The following MRPL40 variants were observed in gnomAD, a reference collection of about 807,000 sequenced individuals.
The protein encoded by MRPL40 is large ribosomal subunit protein mL40.
In MRPL40, 18 loss-of-function variants were observed where a neutral mutation model predicts 24.5. The ratio of observed to expected loss-of-function variants is 0.73; its 90% CI spans 0.51 to 1.09. MRPL40 has a LOEUF of 1.09. Among genes scored for constraint, MRPL40 ranks in the 50% least tolerant of loss-of-function variants. MRPL40 has a pLI of 0.00. For synonymous variants in MRPL40, 108 were observed against 94.6 expected (o/e 1.14, Z -0.82); for missense variants, 256 against 243.8 (o/e 1.05, Z -0.33).
chr22:19,433,590 G>T (rs1184267130), intron 2 of MRPL40, among the ~76,000 whole-genome samples: 1 of 152,162 alleles, frequency 6.6e-6, no homozygotes. Context: ...GGATTCTTGT[G>T]TGTTTTAAAG....
At chr22:19,434,942 AT>A in intron 3 of MRPL40, 48 bp downstream of exon 3, 1 of 1,477,882 alleles carries the variant, frequency 6.8e-7, no homozygotes, top group Non-Finnish European at 9.1e-7. Context: ...AAGGAGTAAT[AT>A]CAACTTCAGG....
Position 19,435,880 on chromosome 22 carries a change from C to T in MRPL40, c.539C>T (p.Pro180Leu). The T allele has an allele frequency of 6.2e-7, 1 of 1,614,170 alleles. No homozygotes were observed. Among genetic ancestry groups the T allele is most frequent in the Non-Finnish European group, 8.5e-7 (1 of 1,180,020 alleles). ...GAGAAGGAAGGGCCACATTACACAC[C>T]ACCGATCCCTAACTACCAACCCCCT... ...PFEKEGPHYT[P>L]PIPNYQPPEG... is the part of the protein sequence containing the mutation. The change falls in exon 4 of 4, where the codon CCA becomes CTA. Residue 180 changes from proline to leucine, a missense_variant. By Grantham distance (98) the Pro-to-Leu change is moderately conservative. Coordinates refer to ENST00000333130, the MANE Select transcript of MRPL40 (RefSeq NM_003776.4).
Position 19,432,560 on chromosome 22 carries a change from G to T in MRPL40, c.6G>T (p.Thr2=). ...CGGAAGCGGCGAGGGTAGCCATGAC[G>T]GCCTCCGTGCTGCGAAGTATCTCGC... is the stretch of plus-strand genomic sequence containing the variant. M[T]ASVLRSISLA... is the part of the protein sequence containing the mutation. The change falls in exon 1 of 4, where the codon ACG becomes ACT. Residue 2 remains threonine, a synonymous_variant. Transcript: ENST00000333130. 9 of 1,549,878 alleles carry T rather than the reference G, an allele frequency of 5.8e-6. No individual in the cohort carries two copies. Among genetic ancestry groups the T allele is most frequent in the Non-Finnish European group, 7.8e-6 (9 of 1,148,256 alleles).
At chr22:19,434,068 C>G (rs2089569859) in intron 2 of MRPL40, among the ~76,000 whole-genome samples, 1 of 151,098 alleles carries the variant, frequency 6.6e-6, no homozygotes, top group Non-Finnish European at 1.5e-5. Flanking sequence ...CGCACCCAGT[C>G]CACAAATCAA....
intron 2 of MRPL40, among the ~76,000 whole-genome samples, chr22:19,434,317 G>A (rs2089572451): frequency 6.7e-6 from 1 of 148,600 alleles, no homozygotes; most frequent in South Asian, 2.2e-4. Flanking sequence ...CCGCCTCCCA[G>A]GCTCAAGTGA....
In MRPL40 at chr22:19,434,859, T is replaced by G; in HGVS notation, c.261T>G (p.Asp87Glu). 1 of 1,604,028 alleles carries G rather than the reference T, an allele frequency of 6.2e-7. No individual in the cohort carries two copies. ...KATQELIPIE[D>E]FITPLKFLDK... ...CTCAAGAGCTAATTCCTATTGAAGA[T>G]TTTATTACCCCTCTAAAGTTCTTGG... Residue 87 changes from aspartate (D) to glutamate (E), a missense_variant, in exon 3 of 4, where the codon GAT becomes GAG. Asp to Glu is a conservative substitution (Grantham distance 45). Transcript: ENST00000333130.
rs781360288 is a variant in MRPL40, at chr22:19,435,815, T to C, written c.474T>C (p.His158=). Residue 158 remains histidine, a synonymous_variant, in exon 4 of 4, where the codon CAT becomes CAC. Coordinates refer to ENST00000333130, the MANE Select transcript of MRPL40 (RefSeq NM_003776.4). ...TGCAACTGGAATCCCCGAAGCTCCA[T>C]GCTGAGGCCATCAAGCGGGATCCTA... is the stretch of plus-strand genomic sequence containing the variant. ...EELQLESPKL[H]AEAIKRDPNL... 8 of 1,614,212 alleles carry C rather than the reference T, an allele frequency of 5.0e-6. No individual in the cohort carries two copies. The highest frequency in any genetic ancestry group is 6.8e-6 in the Non-Finnish European group (8 of 1,180,022).
At position 19,434,751 on chromosome 22, in the gene MRPL40, A is replaced by G. The variant is rs750611295; in HGVS notation, c.153A>G (p.Arg51=). ...TATCTATTAGATCAGAACCTCTTCG[A>G]AAAAAGAAGAAGGTAGATCCTAAAA... is the stretch of plus-strand genomic sequence containing the variant. ...ELIPMRSEPL[R]KKKKVDPKKD... is the part of the protein sequence containing the mutation. The change falls in exon 3 of 4, where the codon CGA becomes CGG. Residue 51 remains arginine, a synonymous_variant. Coordinates refer to ENST00000333130, the MANE Select transcript of MRPL40 (RefSeq NM_003776.4). 3 of 1,589,480 alleles carry G rather than the reference A, an allele frequency of 1.9e-6. No homozygotes were observed. Among genetic ancestry groups the G allele is most frequent in the South Asian group, 2.3e-5 (2 of 86,372 alleles).
In MRPL40 at chr22:19,435,790, T is replaced by C. The variant is rs765808899; in HGVS notation, c.449T>C (p.Leu150Pro). 6.2e-7 allele frequency: 1 copy of C among 1,614,164 alleles called. No homozygotes were observed. Among genetic ancestry groups the C allele is most frequent in the South Asian group, 1.1e-5 (1 of 91,088 alleles). The change falls in exon 4 of 4, where the codon CTG (leucine) becomes CCG (proline). Residue 150 changes from leucine to proline, a missense_variant. Coordinates refer to ENST00000333130, the MANE Select transcript of MRPL40 (RefSeq NM_003776.4). ...GCCCAGCAGGAAGCTCTGGAGGAAC[T>C]GCAACTGGAATCCCCGAAGCTCCAT... ...LEAQQEALEE[L>P]QLESPKLHAE...
In MRPL40 at chr22:19,432,588, G is replaced by GC; in HGVS notation, c.37dup (p.Leu13ProfsTer5). On this transcript the variant is annotated frameshift_variant, in exon 1 of 4. Transcript: ENST00000333130. LOFTEE classifies it high-confidence loss of function. The stretch of plus-strand genomic sequence containing the variant: ...CTCCGTGCTGCGAAGTATCTCGCTA[G>GC]CCCTGCGCCCGACTAGCGGGTGAGT... 3 of 1,554,084 alleles carry GC rather than the reference G, an allele frequency of 1.9e-6. No individual in the cohort carries two copies. The highest frequency in any genetic ancestry group is 2.6e-6 in the Non-Finnish European group (3 of 1,150,238).
At position 19,432,617 on chromosome 22, in the gene MRPL40, G is replaced by A. The variant is rs1399575862; in HGVS notation, c.53+10G>A. ...TGCGCCCGACTAGCGGGTGAGTGCGGACGCTGGCCGGATAGCGGAGTGCCC... is the reference window on the plus strand; with the variant it reads ...TGCGCCCGACTAGCGGGTGAGTGCGAACGCTGGCCGGATAGCGGAGTGCCC... On this transcript the variant is annotated intron_variant, in intron 1 of 3. Coordinates refer to ENST00000333130, the MANE Select transcript of MRPL40 (RefSeq NM_003776.4). The A allele has an allele frequency of 3.2e-6, 5 of 1,549,492 alleles. No individual in the cohort carries two copies. The highest frequency in any genetic ancestry group is 2.8e-5 in the African/African-American group (2 of 72,290).
chr22:19,435,778 C>T lies in MRPL40; in HGVS notation c.437C>T (p.Ala146Val). The T allele has an allele frequency of 1.2e-6, 2 of 1,614,178 alleles. No individual in the cohort carries two copies. Among genetic ancestry groups the T allele is most frequent in the Middle Eastern group, 1.6e-4 (1 of 6,062 alleles). ...GCTATGCTAGAAGCCCAGCAGGAAG[C>T]TCTGGAGGAACTGCAACTGGAATCC... Reference protein sequence around the residue: ...IRAMLEAQQEALEELQLESPK... With the variant: ...IRAMLEAQQEVLEELQLESPK... Residue 146 changes from alanine (A) to valine (V), a missense_variant, in exon 4 of 4, where the codon GCT becomes GTT. By Grantham distance (64) the Ala-to-Val change is moderately conservative (BLOSUM62 0). Transcript: ENST00000333130.
chr22:19,432,581 C>G lies in MRPL40; in HGVS notation c.27C>G (p.Ile9Met), dbSNP rs781030757. 26 of 1,553,496 alleles carry G rather than the reference C, an allele frequency of 1.7e-5. No individual in the cohort carries two copies. The highest frequency in any genetic ancestry group is 1.4e-4 in the Admixed American group (7 of 51,830). Residue 9 changes from isoleucine (I) to methionine (M), a missense_variant, in exon 1 of 4, where the codon ATC becomes ATG. By Grantham distance (10) the Ile-to-Met change is conservative. Coordinates refer to ENST00000333130, the MANE Select transcript of MRPL40 (RefSeq NM_003776.4). MTASVLRSISLALRPTSGL... is the reference protein window; with the variant it reads MTASVLRSMSLALRPTSGL... Reference sequence around the variant, plus strand: ...TGACGGCCTCCGTGCTGCGAAGTATCTCGCTAGCCCTGCGCCCGACTAGCG... The same window carrying G: ...TGACGGCCTCCGTGCTGCGAAGTATGTCGCTAGCCCTGCGCCCGACTAGCG...
intron 3 of MRPL40, 88 bp downstream of exon 3, chr22:19,434,982 T>TA (rs2146270832): frequency 8.5e-7 from 1 of 1,180,164 alleles, no homozygotes; most frequent in Admixed American, 2.3e-5. Flanking sequence ...ACACCTGTGA[T>TA]AGTCATTGGT....
chr22:19,435,475 A>G (rs1301430212), intron 3 of MRPL40, among the ~76,000 whole-genome samples, 163 bp from the exon 4 acceptor site: 1 of 152,174 alleles, frequency 6.6e-6, no homozygotes, highest in Non-Finnish European at 1.5e-5. Flanking sequence ...GGTTCCAAGC[A>G]TCAGTTGCAG....
rs1205724486 is a variant in MRPL40 at position 19,435,836 on chromosome 22, T to G, written c.495T>G (p.Asp165Glu). ...TCCATGCTGAGGCCATCAAGCGGGA[T>G]CCTAACCTGTTCCCCTTTGAGAAGG... ...PKLHAEAIKR[D>E]PNLFPFEKEG... Residue 165 changes from aspartate (D) to glutamate (E), a missense_variant, in exon 4 of 4, where the codon GAT becomes GAG. Physicochemically the swap from Asp to Glu is conservative, Grantham distance 45. Coordinates refer to ENST00000333130, the MANE Select transcript of MRPL40 (RefSeq NM_003776.4). The G allele has an allele frequency of 2.5e-6, 4 of 1,614,122 alleles. No homozygotes were observed. In the South Asian group the frequency reaches 4.4e-5, roughly 18 times the overall value.
intron 2 of MRPL40, among the ~76,000 whole-genome samples, chr22:19,434,470 G>A (rs140930107): frequency 9.0e-4 from 136 of 151,428 alleles, no homozygotes; most frequent in African/African-American, 3.0e-3. Flanking sequence ...CAATCTGCCC[G>A]CCTTTGCCTC....
rs1461427535 is a variant in MRPL40, at chr22:19,435,977, A to G, written c.*15A>G. ...TTAAGAGATAGACTTGCAGGCTGCTATCCTTAACATGCTGCCCCTGAGAGT... is the reference window on the plus strand; with the variant it reads ...TTAAGAGATAGACTTGCAGGCTGCTGTCCTTAACATGCTGCCCCTGAGAGT... On this transcript the variant is annotated 3_prime_UTR_variant, in exon 4 of 4. Transcript: ENST00000333130. 3 of 1,594,620 alleles carry G rather than the reference A, an allele frequency of 1.9e-6. No individual in the cohort carries two copies. The highest frequency in any genetic ancestry group is 2.2e-5 in the East Asian group (1 of 44,694).
Position 19,435,986 on chromosome 22 carries a change from A to G in MRPL40, c.*24A>G, listed in dbSNP as rs1014830115. 1.9e-6 allele frequency: 3 copies of G among 1,580,632 alleles called. No homozygotes were observed. Among genetic ancestry groups the G allele is most frequent in the Non-Finnish European group, 2.6e-6 (3 of 1,155,082 alleles). ...AGACTTGCAGGCTGCTATCCTTAAC[A>G]TGCTGCCCCTGAGAGTAGGAATGAC... On this transcript the variant is annotated 3_prime_UTR_variant, in exon 4 of 4. Coordinates refer to ENST00000333130, the MANE Select transcript of MRPL40 (RefSeq NM_003776.4).
Sources: allele counts gnomAD v4.1 joint callset (sites outside exome capture counted in the v4.1 genomes callset), GRCh38; gene constraint gnomAD v4.1.1; transcripts MANE v1.5; gene names NCBI Gene and HGNC (gene_info 2026-07-23, HGNC 2026-07-21).